Variants in CSMD2 observed in about 807,000 individuals in gnomAD.
CSMD2 encodes CUB and sushi domain-containing protein 2.
In CSMD2, 130 loss-of-function variants were observed where a neutral mutation model predicts 398.5. The observed-to-expected ratio is 0.33, with a 90% confidence interval of 0.28 to 0.38. The LOEUF (loss-of-function observed/expected upper bound fraction) is 0.38, where lower values mean the gene tolerates loss of function less well. Ranked by LOEUF, CSMD2 falls within the 10% of genes least tolerant of loss-of-function variation. CSMD2 has a pLI of 1.00. For missense variants in CSMD2, 3,829 were observed against 4,764.9 expected (o/e 0.80, Z 5.78); for synonymous variants, 1,828 against 1,908.5 (o/e 0.96, Z 1.10).
At chr1:33,610,106 C>A (rs1640894542) in intron 41 of CSMD2, among the ~76,000 whole-genome samples, 1 of 152,170 alleles carries the variant, frequency 6.6e-6, no homozygotes, top group Non-Finnish European at 1.5e-5. Flanking sequence ...CTTGGACTTC[C>A]TAGCCCTCAG....
intron 1 of CSMD2, among the ~76,000 whole-genome samples, chr1:34,153,593 G>T (rs1160803407): frequency 6.6e-6 from 1 of 152,180 alleles, no homozygotes; most frequent in Non-Finnish European, 1.5e-5. Context: ...CAGGCGCACA[G>T]AGGCACTCAA....
At chr1:33,666,469 G>A (rs1159201872) in intron 25 of CSMD2, among the ~76,000 whole-genome samples, 1 of 151,900 alleles carries the variant, frequency 6.6e-6, no homozygotes, top group East Asian at 1.9e-4. Context: ...ACAAGTTTAT[G>A]GTTTTGGTTC....
chr1:33,927,851 G>A (rs1331264258), intron 4 of CSMD2, among the ~76,000 whole-genome samples: 1 of 152,180 alleles, frequency 6.6e-6, no homozygotes, highest in African/African-American at 2.4e-5. Flanking sequence ...GGAGGTGGGT[G>A]AACCTTGGGT....
Position 33,540,853 on chromosome 1 carries a change from T to C in CSMD2, c.9458-155A>G, listed in dbSNP as rs1656263374. 3.3e-5 allele frequency among the ~76,000 whole-genome samples: 5 copies of C among 152,118 alleles called. No homozygotes were observed. In the South Asian group the frequency reaches 1.0e-3, roughly 32 times the overall value. Reference sequence around the variant, plus strand: ...GGCCCTCTTACTGTGGGAGTTCTGATCTTTTTGCACCTTACAATGCCCTCT... The same window carrying C: ...GGCCCTCTTACTGTGGGAGTTCTGACCTTTTTGCACCTTACAATGCCCTCT... On this transcript the variant is annotated intron_variant, in intron 59 of 70. Coordinates refer to ENST00000373381, the MANE Select transcript of CSMD2 (RefSeq NM_001281956.2).
intron 1 of CSMD2, among the ~76,000 whole-genome samples, chr1:34,155,661 G>C (rs1640744994): frequency 6.6e-6 from 1 of 152,098 alleles, no homozygotes; most frequent in South Asian, 2.1e-4. Flanking sequence ...TCTCACCCCT[G>C]AGACCTGAAA....
At chr1:34,125,885 A>T (rs1235810158) in intron 1 of CSMD2, among the ~76,000 whole-genome samples, 1 of 152,058 alleles carries the variant, frequency 6.6e-6, no homozygotes, top group Non-Finnish European at 1.5e-5. Flanking sequence ...AGGCCCCGGG[A>T]GGGCTTTTGA....
intron 2 of CSMD2, among the ~76,000 whole-genome samples, chr1:34,034,549 G>T (rs2148162574): frequency 6.6e-6 from 1 of 152,260 alleles, no homozygotes; most frequent in East Asian, 1.9e-4. Context: ...CTGAGCAGTG[G>T]CAAGAGAAGA....
At chr1:33,703,904 G>A (rs967443055) in intron 22 of CSMD2, among the ~76,000 whole-genome samples, 2 of 152,130 alleles carry the variant, frequency 1.3e-5, no homozygotes, top group Non-Finnish European at 2.9e-5. Context: ...ACTTTAATAT[G>A]TAAATCCTTG....
intron 5 of CSMD2, among the ~76,000 whole-genome samples, chr1:33,868,282 G>A (rs1258337029): frequency 6.6e-6 from 1 of 152,066 alleles, no homozygotes; most frequent in Non-Finnish European, 1.5e-5. Context: ...CTCCTCAACC[G>A]TTTTTCTGTG....
chr1:34,098,547 G>C (rs900982480), intron 1 of CSMD2, among the ~76,000 whole-genome samples: 1 of 151,960 alleles, frequency 6.6e-6, no homozygotes, highest in Non-Finnish European at 1.5e-5. Context: ...CATCATAAAT[G>C]ACACTTATGA....
chr1:33,686,218 C>G (rs1645057906), intron 25 of CSMD2, among the ~76,000 whole-genome samples: 1 of 152,182 alleles, frequency 6.6e-6, no homozygotes, highest in Non-Finnish European at 1.5e-5. Flanking sequence ...CAGTTTTCAT[C>G]TGAGCTCGCC....
intron 5 of CSMD2, among the ~76,000 whole-genome samples, chr1:33,890,946 C>T (rs1412518209): frequency 3.3e-5 from 5 of 152,122 alleles, no homozygotes; most frequent in Admixed American, 3.3e-4. Context: ...CCATAAAAAC[C>T]CTAGAAGAAA....
At chr1:33,541,477 T>C (rs1656334938) in intron 58 of CSMD2, among the ~76,000 whole-genome samples, 168 bp from the exon 59 acceptor site, 2 of 152,108 alleles carry the variant, frequency 1.3e-5, no homozygotes, top group South Asian at 4.2e-4. Flanking sequence ...CTAAATTTCT[T>C]TTTTTTTAAG....
intron 25 of CSMD2, among the ~76,000 whole-genome samples, chr1:33,680,449 G>A (rs1023253429): frequency 6.6e-6 from 1 of 152,086 alleles, no homozygotes. Context: ...GTGCACCGTC[G>A]TCTTGGGGCC....
At chr1:33,762,916 A>G (rs1386323514) in intron 13 of CSMD2, among the ~76,000 whole-genome samples, 2 of 152,180 alleles carry the variant, frequency 1.3e-5, no homozygotes, top group Non-Finnish European at 2.9e-5. Context: ...AATTAAATGA[A>G]AAACATCAAG....
At chr1:33,864,698 G>A (rs972772749) in intron 5 of CSMD2, 1 of 1,613,420 alleles carries the variant, frequency 6.2e-7, no homozygotes, top group African/African-American at 1.3e-5. Context: ...CCAGGAAGAA[G>A]TACCGAATGT....
intron 5 of CSMD2, among the ~76,000 whole-genome samples, chr1:33,902,840 T>G (rs897151896): frequency 2.0e-5 from 3 of 152,144 alleles, no homozygotes; most frequent in Admixed American, 2.0e-4. Context: ...ACCCTCTGAT[T>G]GCCTTTCCTC....
rs764178484 is a variant in CSMD2 at position 33,557,855 on chromosome 1, G to C, written c.8622C>G (p.His2874Gln). 1.8e-4 allele frequency: 282 copies of C among 1,536,132 alleles called. 1 individual carries two copies. In the Middle Eastern group the frequency reaches 6.0e-3, roughly 33 times the overall value. ...ACACAGTGGTGCCGAAGCTGAACCT[G>C]TGCGGGCCGCTGGCGTGGACCTGAC... ...SVRQVHASGPHRFSFGTTVSY... is the reference protein window; with the variant it reads ...SVRQVHASGPQRFSFGTTVSY... Residue 2874 changes from histidine (H) to glutamine (Q), a missense_variant, in exon 55 of 71, where the codon CAC becomes CAG. His to Gln is a conservative substitution (Grantham distance 24, BLOSUM62 0). This residue lies in a region of CSMD2 where 917 missense variants were observed against 1,199.5 expected (regional missense o/e 0.76). Coordinates refer to ENST00000373381, the MANE Select transcript of CSMD2 (RefSeq NM_001281956.2).
At chr1:33,743,214 C>T in intron 14 of CSMD2, 66 bp downstream of exon 14, 2 of 1,402,492 alleles carry the variant, frequency 1.4e-6, no homozygotes, top group Non-Finnish European at 2.0e-6. Flanking sequence ...CATGGGAGCA[C>T]CTTCGATCAT....
Sources: allele counts gnomAD v4.1 joint callset (sites outside exome capture counted in the v4.1 genomes callset), GRCh38; gene constraint gnomAD v4.1.1; regional missense constraint gnomAD v4.1.1; transcripts MANE v1.5; gene names NCBI Gene and HGNC (gene_info 2026-07-23, HGNC 2026-07-21).